Variants in ENDOU observed in about 807,000 individuals in gnomAD.
ENDOU encodes uridylate-specific endoribonuclease.
Under a neutral mutation model 54.2 loss-of-function variants are expected in ENDOU, and 49 were observed. The observed-to-expected ratio is 0.90, with a 90% confidence interval of 0.72 to 1.15. The LOEUF is 1.15. ENDOU is among the 50% of genes most tolerant of loss of function. ENDOU has a pLI of 0.00. For missense variants in ENDOU, 458 were observed against 511.4 expected (o/e 0.90, Z 1.01); for synonymous variants, 172 against 190.5 (o/e 0.90, Z 0.80).
chr12:47,718,120 C>A lies in ENDOU; in HGVS notation c.244+9G>T. 6.4e-7 allele frequency: 1 copy of A among 1,562,898 alleles called. No individual in the cohort carries two copies. ...TCTTGAGGGCCCCCCTTTGGGGAGG[C>A]AGGCTCACTGCTGGCGAGGGCCTCT... On this transcript the variant is annotated intron_variant, in intron 3 of 9. Coordinates refer to ENST00000422538, the MANE Select transcript of ENDOU (RefSeq NM_001172439.2).
chr12:47,714,358 G>C (rs1269243090), intron 6 of ENDOU, among the ~76,000 whole-genome samples: 1 of 152,230 alleles, frequency 6.6e-6, no homozygotes, highest in East Asian at 1.9e-4. Context: ...TGTATGATAG[G>C]ACCTTTTAAA....
At chr12:47,717,133 TC>T in intron 4 of ENDOU, 75 bp from the exon 5 acceptor site, 1 of 1,330,456 alleles carries the variant, frequency 7.5e-7, no homozygotes, top group Non-Finnish European at 1.1e-6. Flanking sequence ...TCTGTGTACC[TC>T]CCCTCCTGGG....
chr12:47,711,520 G>C (rs1939999582), intron 9 of ENDOU, 113 bp downstream of exon 9: 1 of 1,281,120 alleles, frequency 7.8e-7, no homozygotes, highest in African/African-American at 1.5e-5. Context: ...GCACAGATTT[G>C]TCCAAGCCCT....
At chr12:47,722,878 A>C (rs1940477209) in intron 1 of ENDOU, among the ~76,000 whole-genome samples, 1 of 152,220 alleles carries the variant, frequency 6.6e-6, no homozygotes, top group African/African-American at 2.4e-5. Context: ...GCCCAAGGCC[A>C]CTTGTTCCTT....
In ENDOU at chr12:47,718,155, T is replaced by C. The variant is rs1375435246; in HGVS notation, c.218A>G (p.Glu73Gly). The C allele has an allele frequency of 6.3e-7, 1 of 1,582,182 alleles. No homozygotes were observed. Among genetic ancestry groups the C allele is most frequent in the South Asian group, 1.2e-5 (1 of 86,570 alleles). Residue 73 changes from glutamate to glycine, a missense_variant, in exon 3 of 10, where the codon GAA becomes GGA. Coordinates refer to ENST00000422538, the MANE Select transcript of ENDOU (RefSeq NM_001172439.2). The stretch of plus-strand genomic sequence containing the variant: ...GCTGGCGAGGGCCTCTTCTGTCTCT[T>C]CCTCCAGCTGTGGCAATGGCTCTGA... ...KESEPLPQLE[E>G]ETEEALASNL...
chr12:47,711,055 T>G, intron 9 of ENDOU, 136 bp from the exon 10 acceptor site: 1 of 512,272 alleles, frequency 2.0e-6, no homozygotes, highest in East Asian at 3.1e-5. Context: ...CTGGCACTGC[T>G]TTCTTCAGCA....
At position 47,710,667 on chromosome 12, in the gene ENDOU, G is replaced by C. The variant is rs1939952502; in HGVS notation, c.*135C>G. 1.5e-6 allele frequency: 1 copy of C among 684,812 alleles called. No individual in the cohort carries two copies. The highest frequency in any genetic ancestry group is 1.8e-5 in the African/African-American group (1 of 56,514). 42.4% of individuals were successfully genotyped at this position (684,812 alleles called of 1,614,324 possible). On this transcript the variant is annotated 3_prime_UTR_variant, in exon 10 of 10. Coordinates refer to ENST00000422538, the MANE Select transcript of ENDOU (RefSeq NM_001172439.2). ...TATCTCTTTCCCATGTGGGCACTTT[G>C]GGATTTAGGAATGCTTCTCATTGCT...
At chr12:47,713,118 CCG>C (rs1940092057) in intron 7 of ENDOU, among the ~76,000 whole-genome samples, 155 bp downstream of exon 7, 1 of 151,280 alleles carries the variant, frequency 6.6e-6, no homozygotes, top group African/African-American at 2.5e-5. Context: ...AGACACCCCC[CCG>C]CCCCCCTGCC....
chr12:47,718,847 T>C (rs529487542), intron 2 of ENDOU, among the ~76,000 whole-genome samples: 1 of 152,190 alleles, frequency 6.6e-6, no homozygotes, highest in East Asian at 1.9e-4. Flanking sequence ...TGAGTTCCTC[T>C]CTCATCACAC....
chr12:47,717,574 C>T lies in ENDOU; in HGVS notation c.326G>A (p.Arg109His), dbSNP rs1230441904. The T allele has an allele frequency of 1.9e-6, 3 of 1,614,142 alleles. No individual in the cohort carries two copies. The highest frequency in any genetic ancestry group is 1.3e-5 in the African/African-American group (1 of 75,036). ...DKHHQCHCNA[R>H]CQEFGNCCKD... is the part of the protein sequence containing the mutation. ...GCAGCAGTTCCCAAACTCTTGGCAG[C>T]GGGCATTGCAGTGACATTGGTGGTG... is the stretch of plus-strand genomic sequence containing the variant. Residue 109 changes from arginine to histidine, a missense_variant, in exon 4 of 10, where the codon CGC (arginine) becomes CAC (histidine). Coordinates refer to ENST00000422538, the MANE Select transcript of ENDOU (RefSeq NM_001172439.2).
At chr12:47,720,959 A>T (rs1038316050) in intron 1 of ENDOU, 84 bp from the exon 2 acceptor site, 21 of 1,354,520 alleles carry the variant, frequency 1.6e-5, no homozygotes, top group Non-Finnish European at 2.0e-5. Flanking sequence ...TTCACAGACC[A>T]GGGCAGGAGT....
intron 1 of ENDOU, among the ~76,000 whole-genome samples, chr12:47,723,087 A>C (rs762476097): frequency 6.6e-6 from 1 of 152,182 alleles, no homozygotes; most frequent in African/African-American, 2.4e-5. Flanking sequence ...CAGGGAAAGA[A>C]TTCACTTCAT....
Position 47,716,500 on chromosome 12 carries a change from C to T in ENDOU, c.552-1G>A. Reference sequence around the variant, plus strand: ...CTTCTCATTGACATAAGTGAAGAGTCTGGGGGAGGCAGAGGGGAGCCCCAC... The same window carrying T: ...CTTCTCATTGACATAAGTGAAGAGTTTGGGGGAGGCAGAGGGGAGCCCCAC... On this transcript the variant is annotated splice_acceptor_variant, in intron 5 of 9. Transcript: ENST00000422538. LOFTEE classifies it high-confidence loss of function. The T allele has an allele frequency of 6.2e-7, 1 of 1,613,104 alleles. No individual in the cohort carries two copies. The highest frequency in any genetic ancestry group is 1.3e-5 in the African/African-American group (1 of 75,004).
rs1255794559 is a variant in ENDOU, at chr12:47,716,379, C to T, written c.672G>A (p.Leu224=). The stretch of plus-strand genomic sequence containing the variant: ...CTCTGAGGAAGGCGTCCTGCTCGGC[C>T]AGCTCCTGGGCACTGAAGTGCTCCC... ...GHGEHFSAQE[L]AEQDAFLREI... The change falls in exon 6 of 10, where the codon CTG becomes CTA. Residue 224 remains leucine, a synonymous_variant. Transcript: ENST00000422538. 13 of 1,614,082 alleles carry T rather than the reference C, an allele frequency of 8.1e-6. No homozygotes were observed. The highest frequency in any genetic ancestry group is 1.1e-5 in the Non-Finnish European group (13 of 1,180,052).
Position 47,710,939 on chromosome 12 carries a change from A to T in ENDOU, c.1116-20T>A. The T allele has an allele frequency of 1.9e-6, 3 of 1,559,870 alleles. No individual in the cohort carries two copies. In the South Asian group the frequency reaches 3.4e-5, roughly 17 times the overall value. The stretch of plus-strand genomic sequence containing the variant: ...TGGCACCTGTGGGGAAAGAGCCTGA[A>T]ATCAGAGGAGCTCCCCACTTCACGC... On this transcript the variant is annotated intron_variant, in intron 9 of 9. Coordinates refer to ENST00000422538, the MANE Select transcript of ENDOU (RefSeq NM_001172439.2).
chr12:47,720,954 A>G, intron 1 of ENDOU, 79 bp from the exon 2 acceptor site: 1 of 1,397,414 alleles, frequency 7.2e-7, no homozygotes, highest in Non-Finnish European at 9.7e-7. Flanking sequence ...GAGGGTTCAC[A>G]GACCAGGGCA....
chr12:47,714,518 A>T (rs770215418), intron 6 of ENDOU, among the ~76,000 whole-genome samples: 6 of 152,262 alleles, frequency 3.9e-5, no homozygotes, highest in Non-Finnish European at 8.8e-5. Context: ...GAGAAGCAGT[A>T]GGCCCAGGAC....
chr12:47,723,993 T>C (rs1940512212), intron 1 of ENDOU, among the ~76,000 whole-genome samples: 1 of 152,170 alleles, frequency 6.6e-6, no homozygotes, highest in South Asian at 2.1e-4. Context: ...CCTGCCACCT[T>C]AGGAAGCCTC....
intron 1 of ENDOU, among the ~76,000 whole-genome samples, chr12:47,724,331 TC>T (rs1940523085): frequency 6.6e-6 from 1 of 152,122 alleles, no homozygotes; most frequent in Admixed American, 6.5e-5. Context: ...CACTATCTCA[TC>T]CATGGTTGGG....
Sources: gnomAD v4.1 joint callset for allele counts (sites outside exome capture counted in the v4.1 genomes callset) on GRCh38, gnomAD v4.1.1 for gene constraint, MANE v1.5 for transcripts, NCBI Gene and HGNC (gene_info 2026-07-23, HGNC 2026-07-21) for gene names.